AADAC: variants seen among roughly 807,000 people sequenced by gnomAD.
The protein encoded by AADAC is arylacetamide deacetylase (esterase).
In AADAC, 17 loss-of-function variants were observed where a neutral mutation model predicts 22.7. That is an observed-to-expected ratio of 0.75 (90% CI 0.51 to 1.12). AADAC has a LOEUF of 1.12. AADAC is among the 50% of genes most tolerant of loss of function. The pLI is 0.00. For missense variants in AADAC, 465 were observed against 473.9 expected, an observed-to-expected ratio of 0.98 and a Z score of 0.17; for synonymous variants, 167 against 176.3, an observed-to-expected ratio of 0.95 and a Z score of 0.42.
At position 151,828,253 on chromosome 3, in the gene AADAC, G is replaced by A. The variant is rs1042201; in HGVS notation, c.*81G>A. 478,801 of 940,720 alleles carry A rather than the reference G, an allele frequency of 0.51. 122,568 individuals carry two copies. Among genetic ancestry groups the A allele is most frequent in the Non-Finnish European group, 0.53 (350,205 of 665,780 alleles). 58.3% of individuals were successfully genotyped at this position (940,720 alleles called of 1,614,324 possible). A position where few individuals can be genotyped will look rare whatever the true frequency, so the allele number is the denominator to read the frequency against. ...TTGCATTAGAAATTGGTCTTTCTTA[G>A]AATGGTCTAGTTAAGTTCCACATGT... is the stretch of plus-strand genomic sequence containing the variant. On this transcript the variant is annotated 3_prime_UTR_variant, in exon 5 of 5. Coordinates refer to ENST00000232892, the MANE Select transcript of AADAC (RefSeq NM_001086.3).
chr3:151,822,147 G>A (rs1321757667), intron 3 of AADAC, among the ~76,000 whole-genome samples: 1 of 151,834 alleles, frequency 6.6e-6, no homozygotes, highest in Non-Finnish European at 1.5e-5. Flanking sequence ...CACCCACTAG[G>A]ATGGGTATAA....
chr3:151,828,148 T>A lies in AADAC; in HGVS notation c.1176T>A (p.Ile392=), dbSNP rs751903143. The change falls in exon 5 of 5, where the codon ATT becomes ATA. Residue 392 remains isoleucine (I), a synonymous_variant. Coordinates refer to ENST00000232892, the MANE Select transcript of AADAC (RefSeq NM_001086.3). ...GTCACAGACTTATAAATCAGTATAT[T>A]GAGTGGCTAAAGGAAAATCTATAGT... ...KISHRLINQY[I]EWLKENL is the part of the protein sequence containing the mutation. 4.5e-6 allele frequency: 7 copies of A among 1,564,638 alleles called. No individual in the cohort carries two copies. The highest frequency in any genetic ancestry group is 6.1e-6 in the Non-Finnish European group (7 of 1,149,324).
In AADAC at chr3:151,814,206, T is replaced by C. The variant is rs550415872; in HGVS notation, c.44T>C (p.Ile15Thr). Residue 15 changes from isoleucine to threonine, a missense_variant, in exon 1 of 5, where the codon ATA (isoleucine) becomes ACA (threonine). Physicochemically the swap from Ile to Thr is moderately conservative, Grantham distance 89 (BLOSUM62 -1). Transcript: ENST00000232892. ...TACCTTCTGATTGTGGGGATCCTCATAGCATATTATATTTATACGCCTCTC... is the reference window on the plus strand; with the variant it reads ...TACCTTCTGATTGTGGGGATCCTCACAGCATATTATATTTATACGCCTCTC... ...SLYLLIVGIL[I>T]AYYIYTPLPD... is the part of the protein sequence containing the mutation. The C allele has an allele frequency of 5.6e-6, 9 of 1,613,156 alleles. No homozygotes were observed. In the East Asian group the frequency reaches 6.7e-5, roughly 12 times the overall value.
Position 151,824,793 on chromosome 3 carries a change from G to A in AADAC, c.562G>A (p.Asp188Asn). 1 of 1,605,870 alleles carries A rather than the reference G, an allele frequency of 6.2e-7. No individual in the cohort carries two copies. Among genetic ancestry groups the A allele is most frequent in the South Asian group, 1.1e-5 (1 of 89,234 alleles). ...CCCTGAGAGAATCGGTATTTCTGGA[G>A]ATAGTGCAGGAGGGAATTTAGCTGC... ...VNPERIGISG[D>N]SAGGNLAAAV... Residue 188 changes from aspartate to asparagine, a missense_variant, in exon 4 of 5, where the codon GAT becomes AAT. Coordinates refer to ENST00000232892, the MANE Select transcript of AADAC (RefSeq NM_001086.3).
At chr3:151,820,684 A>ATTTTTTTTTTTTTTTTTTTTTTTTT (rs201359958) in intron 3 of AADAC, among the ~76,000 whole-genome samples, 2 of 88,448 alleles carry the variant, frequency 2.3e-5, no homozygotes, top group African/African-American at 8.0e-5. Context: ...CACCCGGCTA[A>ATTTTTTTTTTTTTTTTTTTTTTTTT]TTTTTTTATT....
rs1715879682 is a variant in AADAC at position 151,814,204 on chromosome 3, C to T, written c.42C>T (p.Leu14=). 2 of 1,613,178 alleles carry T rather than the reference C, an allele frequency of 1.2e-6. No homozygotes were observed. The highest frequency in any genetic ancestry group is 3.3e-5 in the Admixed American group (2 of 59,940). The change falls in exon 1 of 5, where the codon CTC becomes CTT. Residue 14 remains leucine (L), a synonymous_variant. Transcript: ENST00000232892. ...TGTACCTTCTGATTGTGGGGATCCT[C>T]ATAGCATATTATATTTATACGCCTC... ...KSLYLLIVGI[L]IAYYIYTPLP... is the part of the protein sequence containing the mutation.
chr3:151,827,518 T>G, intron 4 of AADAC, 58 bp from the exon 5 acceptor site: 1 of 973,920 alleles, frequency 1.0e-6, no homozygotes, highest in Non-Finnish European at 1.5e-6. Context: ...ATAATCTTAT[T>G]AGGGATATTT....
chr3:151,816,384 T>C (rs1715989871), intron 1 of AADAC, among the ~76,000 whole-genome samples: 1 of 152,134 alleles, frequency 6.6e-6, no homozygotes. Flanking sequence ...GCTTTTCCAG[T>C]TTCTACTCCC....
chr3:151,814,599 T>A (rs531687303), intron 1 of AADAC, among the ~76,000 whole-genome samples: 2 of 152,198 alleles, frequency 1.3e-5, no homozygotes, highest in South Asian at 4.1e-4. Flanking sequence ...GAAATTCTTA[T>A]CTTAGGTATG....
chr3:151,817,611 C>G, intron 2 of AADAC, 23 bp downstream of exon 2: 1 of 1,601,902 alleles, frequency 6.2e-7, no homozygotes, highest in Non-Finnish European at 8.5e-7. Context: ...TTTGAAAAAT[C>G]TCTGTCACTG....
intron 1 of AADAC, 38 bp downstream of exon 1, chr3:151,814,338 C>A (rs1715889980): frequency 1.3e-6 from 2 of 1,567,850 alleles, no homozygotes; most frequent in Admixed American, 3.9e-5. Flanking sequence ...TGTGCATACA[C>A]CACCATTTGA....
At position 151,824,814 on chromosome 3, in the gene AADAC, G is replaced by A; in HGVS notation, c.583G>A (p.Ala195Thr). 6.3e-7 allele frequency: 1 copy of A among 1,586,080 alleles called. No homozygotes were observed. Among genetic ancestry groups the A allele is most frequent in the Non-Finnish European group, 8.6e-7 (1 of 1,168,010 alleles). The change falls in exon 4 of 5, where the codon GCT (alanine) becomes ACT (threonine). Residue 195 changes from alanine (A) to threonine (T), a missense_variant. Physicochemically the swap from Ala to Thr is moderately conservative, Grantham distance 58 (BLOSUM62 0). Coordinates refer to ENST00000232892, the MANE Select transcript of AADAC (RefSeq NM_001086.3). ...ISGDSAGGNL[A>T]AAVTQQLLDD... ...TGGAGATAGTGCAGGAGGGAATTTA[G>A]CTGCAGCAGTGACTCAACAGGTATG...
intron 3 of AADAC, among the ~76,000 whole-genome samples, chr3:151,822,089 T>G (rs1474443314): frequency 1.3e-5 from 2 of 151,894 alleles, no homozygotes; most frequent in Admixed American, 1.3e-4. Context: ...TCAATATCAT[T>G]AGTCATTAGA....
chr3:151,827,203 T>C (rs1030511212), intron 4 of AADAC, among the ~76,000 whole-genome samples: 4 of 151,984 alleles, frequency 2.6e-5, no homozygotes, highest in Admixed American at 6.6e-5. Flanking sequence ...TGAGCCACCA[T>C]ACCAGGCCTA....
At chr3:151,827,126 C>G (rs1716529125) in intron 4 of AADAC, among the ~76,000 whole-genome samples, 1 of 151,770 alleles carries the variant, frequency 6.6e-6, no homozygotes, top group Admixed American at 6.6e-5. Context: ...TGTTAGCCAG[C>G]TGGTCTCAAA....
Position 151,828,005 on chromosome 3 carries a change from T to G in AADAC, c.1033T>G (p.Leu345Val), listed in dbSNP as rs767276945. 1.2e-6 allele frequency: 2 copies of G among 1,613,358 alleles called. No homozygotes were observed. The highest frequency in any genetic ancestry group is 1.1e-5 in the South Asian group (1 of 91,066). The change falls in exon 5 of 5, where the codon TTA becomes GTA. Residue 345 changes from leucine to valine, a missense_variant. Coordinates refer to ENST00000232892, the MANE Select transcript of AADAC (RefSeq NM_001086.3). ...TYVITCQYDL[L>V]RDDGLMYVTR... ...TGTCATCACCTGTCAATATGATCTCTTAAGAGATGATGGACTCATGTATGT... is the reference window on the plus strand; with the variant it reads ...TGTCATCACCTGTCAATATGATCTCGTAAGAGATGATGGACTCATGTATGT...
At position 151,828,112 on chromosome 3, in the gene AADAC, A is replaced by G; in HGVS notation, c.1140A>G (p.Gly380=). The change falls in exon 5 of 5, where the codon GGA becomes GGG. Residue 380 remains glycine (G), a synonymous_variant. Transcript: ENST00000232892. ...DGFHGAFSFL[G]LKISHRLINQ... is the part of the protein sequence containing the mutation. ...TCCATGGAGCATTTTCATTTCTGGG[A>G]CTTAAAATTAGTCACAGACTTATAA... The G allele has an allele frequency of 3.1e-6, 5 of 1,608,466 alleles. 1 individual carries two copies. Among genetic ancestry groups the G allele is most frequent in the Non-Finnish European group, 4.3e-6 (5 of 1,176,218 alleles).
rs532628992 is a variant in AADAC, at chr3:151,826,355, C to A, written c.604-1221C>A. Among the ~76,000 whole-genome samples the A allele has an allele frequency of 2.0e-3, 309 of 151,872 alleles. 1 individual carries two copies. The highest frequency in any genetic ancestry group is 7.2e-3 in the African/African-American group (297 of 41,482). On this transcript the variant is annotated intron_variant, in intron 4 of 4. Coordinates refer to ENST00000232892, the MANE Select transcript of AADAC (RefSeq NM_001086.3). ...ATCTCCCTAAATAAACATTCATTTC[C>A]TCACCTGTAAGAAAAATGAACTCTT...
In AADAC at chr3:151,828,078, A is replaced by C. The variant is rs745762186; in HGVS notation, c.1106A>C (p.Glu369Ala). The C allele has an allele frequency of 3.7e-6, 6 of 1,612,864 alleles. No individual in the cohort carries two copies. In the South Asian group the frequency reaches 5.5e-5, roughly 15 times the overall value. The change falls in exon 5 of 5, where the codon GAG becomes GCG. Residue 369 changes from glutamate to alanine, a missense_variant. Physicochemically the swap from Glu to Ala is moderately radical, Grantham distance 107 (BLOSUM62 -1). Transcript: ENST00000232892. ...TGVQVTHNHVEDGFHGAFSFL... is the reference protein window; with the variant it reads ...TGVQVTHNHVADGFHGAFSFL... ...GTTCAGGTGACTCATAACCATGTTG[A>C]GGATGGATTCCATGGAGCATTTTCA...
Sources: gnomAD v4.1 joint callset for allele counts (sites outside exome capture counted in the v4.1 genomes callset) on GRCh38, gnomAD v4.1.1 for gene constraint, MANE v1.5 for transcripts, NCBI Gene and HGNC (gene_info 2026-07-23, HGNC 2026-07-21) for gene names.